MCM5: variants seen among roughly 807,000 people sequenced by gnomAD.
The protein encoded by MCM5 is DNA replication licensing factor MCM5.
Under a neutral mutation model 79.9 loss-of-function variants are expected in MCM5, and 46 were observed. The ratio of observed to expected loss-of-function variants is 0.58; its 90% CI spans 0.45 to 0.74. MCM5 has a LOEUF of 0.74. Ranked by LOEUF, MCM5 falls within the 30% of genes least tolerant of loss-of-function variation. The pLI is 0.00. For missense variants in MCM5, 883 were observed against 1,017.0 expected, an observed-to-expected ratio of 0.87 and a Z score of 1.79; for synonymous variants, 404 against 390.5, an observed-to-expected ratio of 1.03 and a Z score of -0.41.
At chr22:35,419,363 T>C (rs1306510204) in intron 13 of MCM5, among the ~76,000 whole-genome samples, 1 of 152,172 alleles carries the variant, frequency 6.6e-6, no homozygotes, top group Non-Finnish European at 1.5e-5. Context: ...CTGATCAGAC[T>C]TCCCCACACC....
At chr22:35,410,323 A>G (rs1203625855) in intron 6 of MCM5, 13 of 191,334 alleles carry the variant, frequency 6.8e-5, no homozygotes, top group Non-Finnish European at 1.3e-4. Context: ...TGGCCCCTCA[A>G]GGAGGCTGGG....
the MCM5 span, among the ~76,000 whole-genome samples, chr22:35,442,370 AC>A: frequency 2.0e-3 from 298 of 152,138 alleles, no homozygotes; most frequent in African/African-American, 6.2e-3. Flanking sequence ...AAAAAAAAAA[AC>A]ATCACAAACT....
intron 11 of MCM5, 38 bp downstream of exon 11, chr22:35,416,442 C>T (rs1388513345): frequency 6.2e-7 from 1 of 1,601,446 alleles, no homozygotes; most frequent in Admixed American, 1.7e-5. Context: ...CCTGCAGCAG[C>T]CCAGCGTGGC....
chr22:35,454,899 A>G, the MCM5 span, among the ~76,000 whole-genome samples: 1 of 152,126 alleles, frequency 6.6e-6, no homozygotes, highest in Non-Finnish European at 1.5e-5. Context: ...AGCATCCTTC[A>G]GTTGTGACCA....
chr22:35,434,479 G>C, the MCM5 span, among the ~76,000 whole-genome samples: 1 of 152,156 alleles, frequency 6.6e-6, no homozygotes, highest in Non-Finnish European at 1.5e-5. Flanking sequence ...CTGTGCTTGG[G>C]CCAGTCATTA....
chr22:35,433,534 G>T, the MCM5 span, among the ~76,000 whole-genome samples: 1 of 152,070 alleles, frequency 6.6e-6, no homozygotes, highest in Non-Finnish European at 1.5e-5. Flanking sequence ...TGGGGACCTT[G>T]GGGGGGTCTC....
intron 15 of MCM5, chr22:35,422,135 A>T (rs147314597): frequency 7.6e-4 from 120 of 157,218 alleles, no homozygotes; most frequent in Non-Finnish European, 1.1e-3. Flanking sequence ...TATAAGAGCA[A>T]TCAATCACAG....
chr22:35,419,608 A>AG (rs1932641973), intron 13 of MCM5, among the ~76,000 whole-genome samples: 2 of 152,212 alleles, frequency 1.3e-5, no homozygotes. Context: ...AGTGGGGAAG[A>AG]GGCGGTTTTC....
downstream of MCM5, among the ~76,000 whole-genome samples, chr22:35,430,092 G>A (rs1423101387): frequency 1.3e-5 from 2 of 151,472 alleles, no homozygotes; most frequent in Non-Finnish European, 2.9e-5. Flanking sequence ...TGGAAGAGTT[G>A]TGGTCAGGTT....
Position 35,403,453 on chromosome 22 carries a change from C to T in MCM5, c.334C>T (p.Arg112Trp), listed in dbSNP as rs773682520. ...CAAGGAGGTAGCTGATGAGGTGACC[C>T]GGCCCCGGCCTTCTGGGGAGGAGGT... is the stretch of plus-strand genomic sequence containing the variant. ...AAKEVADEVT[R>W]PRPSGEEVLQ... The change falls in exon 4 of 17, where the codon CGG (arginine) becomes TGG (tryptophan). Residue 112 changes from arginine (R) to tryptophan (W), a missense_variant. Around this residue, in one of 3 missense-constraint regions of MCM5, gnomAD observed 455 missense variants for 517.5 expected, o/e 0.88. Coordinates refer to ENST00000216122, the MANE Select transcript of MCM5 (RefSeq NM_006739.4). The T allele has an allele frequency of 1.9e-6, 3 of 1,614,178 alleles. No individual in the cohort carries two copies. The highest frequency in any genetic ancestry group is 1.1e-5 in the South Asian group (1 of 91,074).
At chr22:35,410,612 A>G (rs1419395482) in intron 6 of MCM5, 132 bp from the exon 7 acceptor site, 1 of 845,468 alleles carries the variant, frequency 1.2e-6, no homozygotes, top group Non-Finnish European at 2.0e-6. Flanking sequence ...GGCTGGAGCC[A>G]GCTCAGCATG....
At chr22:35,440,318 A>G in the MCM5 span, among the ~76,000 whole-genome samples, 1 of 152,348 alleles carries the variant, frequency 6.6e-6, no homozygotes, top group Non-Finnish European at 1.5e-5. Flanking sequence ...TTAGGAAGTG[A>G]TGTTGGAAAT....
chr22:35,428,969 C>CA (rs1932794699), downstream of MCM5, among the ~76,000 whole-genome samples: 1 of 110,592 alleles, frequency 9.0e-6, no homozygotes, highest in Non-Finnish European at 1.8e-5. Flanking sequence ...TTTTCTTTGA[C>CA]CTTTTTTTTT....
the MCM5 span, among the ~76,000 whole-genome samples, chr22:35,447,597 C>T: frequency 3.3e-5 from 5 of 152,156 alleles, no homozygotes; most frequent in South Asian, 2.1e-4. Context: ...CTCAGCCTCC[C>T]GAGTAGCTGG....
chr22:35,408,068 G>A (rs1932269817), intron 5 of MCM5, among the ~76,000 whole-genome samples: 1 of 152,184 alleles, frequency 6.6e-6, no homozygotes, highest in Non-Finnish European at 1.5e-5. Context: ...ATTTGAGTGG[G>A]GCTTTAGTAA....
At chr22:35,443,528 C>T in the MCM5 span, among the ~76,000 whole-genome samples, 1 of 152,336 alleles carries the variant, frequency 6.6e-6, no homozygotes, top group South Asian at 2.1e-4. Context: ...CTCTCAGGGC[C>T]ACGCCAGTGC....
the MCM5 span, among the ~76,000 whole-genome samples, chr22:35,444,379 C>T: frequency 6.6e-6 from 1 of 152,178 alleles, no homozygotes; most frequent in Admixed American, 6.5e-5. Flanking sequence ...TGAGTGAGAG[C>T]TGTTCCATCA....
chr22:35,416,509 A>AGTGTGTGTGTGTGTGTGTGTGTGTG, intron 11 of MCM5, 105 bp downstream of exon 11: 1 of 1,028,650 alleles, frequency 9.7e-7, no homozygotes. Context: ...CAGGCCTAGA[A>AGTGTGTGTGTGTGTGTGTGTGTGTG]TCTGTGTGTG....
rs368971691 is a variant in MCM5, at chr22:35,410,927, G to A, written c.919+17G>A. The A allele has an allele frequency of 5.7e-6, 9 of 1,577,624 alleles. No individual in the cohort carries two copies. The African/African-American group carries it at 1.2e-4, about 21-fold the overall frequency. ...ATGGCTCTGGTGAGTTGGCTTTGGG[G>A]TCCTGGCTTAGCCCTGCTAAAAGGC... On this transcript the variant is annotated intron_variant, in intron 7 of 16. Transcript: ENST00000216122.
Sources: gnomAD v4.1 joint callset for allele counts (sites outside exome capture counted in the v4.1 genomes callset) on GRCh38, gnomAD v4.1.1 for gene constraint, gnomAD v4.1.1 regional missense constraint, MANE v1.5 for transcripts, NCBI Gene and HGNC (gene_info 2026-07-23, HGNC 2026-07-21) for gene names.